Variants in CSNK1G1 observed in about 807,000 individuals in gnomAD.
CSNK1G1 encodes the protein casein kinase 1 gamma 1.
A neutral mutation model predicts 59.6 loss-of-function variants in CSNK1G1; 22 were observed. That is an observed-to-expected ratio of 0.37 (90% CI 0.26 to 0.53). CSNK1G1 has a LOEUF of 0.53. CSNK1G1 is among the 20% of genes least tolerant of loss of function. The probability of loss-of-function intolerance (pLI) is 0.89; values close to 1 mark genes in which losing one functional copy is unlikely to be tolerated. For synonymous variants in CSNK1G1, 179 were observed against 177.1 expected (o/e 1.01, Z -0.08); for missense variants, 384 against 519.5 (o/e 0.74, Z 2.54).
At chr15:64,295,431 T>C (rs1286169236) in intron 2 of CSNK1G1, among the ~76,000 whole-genome samples, 1 of 152,198 alleles carries the variant, frequency 6.6e-6, no homozygotes, top group Non-Finnish European at 1.5e-5. Flanking sequence ...AAATAATTAG[T>C]GACTAAATCC....
chr15:64,248,847 G>C (rs369670380), intron 4 of CSNK1G1, among the ~76,000 whole-genome samples: 3 of 149,974 alleles, frequency 2.0e-5, no homozygotes, highest in African/African-American at 4.9e-5. Flanking sequence ...TTGGCCAGGC[G>C]TGGTGGCTCA....
chr15:64,304,125 T>C (rs2140409482), intron 1 of CSNK1G1, among the ~76,000 whole-genome samples: 1 of 152,130 alleles, frequency 6.6e-6, no homozygotes, highest in South Asian at 2.1e-4. Context: ...CAGTGGCTCA[T>C]GCCTATAATC....
chr15:64,260,294 A>G (rs759293731), intron 2 of CSNK1G1, among the ~76,000 whole-genome samples: 8 of 152,180 alleles, frequency 5.3e-5, no homozygotes, highest in Non-Finnish European at 1.0e-4. Context: ...AGTTATTGGT[A>G]CTGTACGTAC....
At position 64,243,919 on chromosome 15, in the gene CSNK1G1, A is replaced by G. The variant is rs778511899; in HGVS notation, c.292+7593T>C. On this transcript the variant is annotated intron_variant, in intron 4 of 11. Coordinates refer to ENST00000303052, the MANE Select transcript of CSNK1G1 (RefSeq NM_022048.5). ...CATGGTGGCTCACACCTGCAATCCCAGCACTTTGGGAGGCCTAGGCAGGTG... is the reference window on the plus strand; with the variant it reads ...CATGGTGGCTCACACCTGCAATCCCGGCACTTTGGGAGGCCTAGGCAGGTG... Among the ~76,000 whole-genome samples the G allele has an allele frequency of 9.9e-5, 15 of 151,964 alleles. 1 individual carries two copies. Among genetic ancestry groups the G allele is most frequent in the Non-Finnish European group, 1.8e-4 (12 of 68,008 alleles).
In CSNK1G1 at chr15:64,216,397, T is replaced by C. The variant is rs1283356100; in HGVS notation, c.444+165A>G. Reference sequence around the variant, plus strand: ...AGCAAATTGCAGATGTAGTGTGACTTCTCTGAATTTACCCTTTTTGCCCCA... The same window carrying C: ...AGCAAATTGCAGATGTAGTGTGACTCCTCTGAATTTACCCTTTTTGCCCCA... On this transcript the variant is annotated intron_variant, in intron 5 of 11. Transcript: ENST00000303052. The surrounding 1 kb of genome is among the most constrained non-coding windows in gnomAD (Gnocchi z 4.6). Among the ~76,000 whole-genome samples, 1 of 152,162 alleles carries C rather than the reference T, an allele frequency of 6.6e-6. No homozygotes were observed. The highest frequency in any genetic ancestry group is 1.5e-5 in the Non-Finnish European group (1 of 68,034).
At chr15:64,305,706 A>AC (rs1895646502) in intron 1 of CSNK1G1, among the ~76,000 whole-genome samples, 1 of 147,730 alleles carries the variant, frequency 6.8e-6, no homozygotes, top group East Asian at 1.9e-4. Flanking sequence ...AAAAAAAAAA[A>AC]AACAAAAACA....
rs1405318812 is a variant in CSNK1G1 at position 64,176,204 on chromosome 15, C to T, written c.1214+4144G>A. On this transcript the variant is annotated intron_variant, in intron 11 of 11. Coordinates refer to ENST00000303052, the MANE Select transcript of CSNK1G1 (RefSeq NM_022048.5). The surrounding 1 kb of genome is among the most constrained non-coding windows in gnomAD (Gnocchi z 5.2). ...TCCTAAGGCATTTTGTTTGGCTTTGCCAGTCCCAGCCTAGTCTGGTCCACT... is the reference window on the plus strand; with the variant it reads ...TCCTAAGGCATTTTGTTTGGCTTTGTCAGTCCCAGCCTAGTCTGGTCCACT... 1 of 398,770 alleles carries T rather than the reference C, an allele frequency of 2.5e-6. No homozygotes were observed. The highest frequency in any genetic ancestry group is 4.4e-6 in the Non-Finnish European group (1 of 226,094). 24.7% of individuals were successfully genotyped at this position (398,770 alleles called of 1,614,324 possible). A position where few individuals can be genotyped will look rare whatever the true frequency, so the allele number is the denominator to read the frequency against.
chr15:64,269,790 G>A lies in CSNK1G1; in HGVS notation c.182-10549C>T, dbSNP rs150415481. On this transcript the variant is annotated intron_variant, in intron 2 of 11. Transcript: ENST00000303052. Reference sequence around the variant, plus strand: ...ATTACAGGTGTGAGCCACCATGCCCGGCCTCTGATGGCTATTTTTATTTTT... The same window carrying A: ...ATTACAGGTGTGAGCCACCATGCCCAGCCTCTGATGGCTATTTTTATTTTT... Among the ~76,000 whole-genome samples, 81 of 150,934 alleles carry A rather than the reference G, an allele frequency of 5.4e-4. 1 individual carries two copies. The highest frequency in any genetic ancestry group is 1.9e-3 in the African/African-American group (78 of 41,114).
chr15:64,256,729 C>T (rs926631132), intron 3 of CSNK1G1, among the ~76,000 whole-genome samples: 2 of 151,994 alleles, frequency 1.3e-5, no homozygotes, highest in Middle Eastern at 3.4e-3. Context: ...ACTTTGTGTA[C>T]GATTTTTTTA....
At chr15:64,237,338 C>A (rs1022844883) in intron 4 of CSNK1G1, among the ~76,000 whole-genome samples, 1 of 152,124 alleles carries the variant, frequency 6.6e-6, no homozygotes, top group South Asian at 2.1e-4. Context: ...ATACCTCTGG[C>A]AGAGAGACCT....
intron 2 of CSNK1G1, among the ~76,000 whole-genome samples, chr15:64,278,948 T>A (rs1893966974): frequency 6.6e-6 from 1 of 152,194 alleles, no homozygotes; most frequent in Non-Finnish European, 1.5e-5. Flanking sequence ...GACAATTTCC[T>A]AAAGGGTCTG....
At chr15:64,174,427 A>G (rs1242376853) in intron 11 of CSNK1G1, among the ~76,000 whole-genome samples, 1 of 152,212 alleles carries the variant, frequency 6.6e-6, no homozygotes, top group African/African-American at 2.4e-5. Flanking sequence ...AGGCCCCACA[A>G]TCTGTTCTTC....
intron 6 of CSNK1G1, among the ~76,000 whole-genome samples, chr15:64,208,296 G>C (rs922063000): frequency 6.6e-6 from 1 of 152,244 alleles, no homozygotes; most frequent in African/African-American, 2.4e-5. Context: ...CCAGGAGTTC[G>C]AGATAAGCCT....
intron 4 of CSNK1G1, among the ~76,000 whole-genome samples, chr15:64,251,286 G>A (rs1480046741): frequency 6.6e-6 from 1 of 152,182 alleles, no homozygotes; most frequent in Non-Finnish European, 1.5e-5. Flanking sequence ...GGCATCTGCA[G>A]GTTGGTCTGT....
intron 10 of CSNK1G1, among the ~76,000 whole-genome samples, chr15:64,189,943 T>C (rs991907176): frequency 1.3e-5 from 2 of 151,490 alleles, no homozygotes; most frequent in East Asian, 3.9e-4. Flanking sequence ...CTCAGCCTCC[T>C]GAGTAGTTGG....
intron 4 of CSNK1G1, among the ~76,000 whole-genome samples, chr15:64,225,054 G>GCTGGA (rs1333679161): frequency 6.8e-6 from 1 of 147,324 alleles, no homozygotes; most frequent in Non-Finnish European, 1.5e-5. Context: ...TGTTGCCCAG[G>GCTGGA]CTGGAGTACA....
At chr15:64,326,246 G>C (rs1031672158) in intron 1 of CSNK1G1, among the ~76,000 whole-genome samples, 9 of 152,046 alleles carry the variant, frequency 5.9e-5, no homozygotes, top group African/African-American at 2.2e-4. Context: ...GGCCAGTCTC[G>C]AACTCTTGGC....
intron 4 of CSNK1G1, among the ~76,000 whole-genome samples, chr15:64,241,211 G>A (rs1341568667): frequency 6.6e-6 from 1 of 152,144 alleles, no homozygotes. Context: ...CAAAAGCAAG[G>A]AGGAGTAGAT....
At chr15:64,319,605 G>A (rs1025966748) in intron 1 of CSNK1G1, among the ~76,000 whole-genome samples, 6 of 152,026 alleles carry the variant, frequency 3.9e-5, no homozygotes, top group South Asian at 2.1e-4. Flanking sequence ...GAGTGCAGTG[G>A]CACGATCTCG....
Sources: allele counts gnomAD v4.1 joint callset (sites outside exome capture counted in the v4.1 genomes callset), GRCh38; gene constraint gnomAD v4.1.1; non-coding constraint Gnocchi (gnomAD v3.1); transcripts MANE v1.5; gene names NCBI Gene and HGNC (gene_info 2026-07-23, HGNC 2026-07-21).